Variants in VTI1B observed in about 807,000 individuals in gnomAD.
VTI1B encodes vesicle transport through interaction with t-SNAREs 1B.
A neutral mutation model predicts 28.6 loss-of-function variants in VTI1B; 18 were observed. The observed-to-expected ratio is 0.63, with a 90% CI of 0.43 to 0.93. The LOEUF is 0.93. Ranked by LOEUF, VTI1B falls within the 40% of genes least tolerant of loss-of-function variation. The pLI, the probability that VTI1B is intolerant of heterozygous loss-of-function variation, is 0.00. For missense variants in VTI1B, 283 were observed against 297.0 expected (o/e 0.95, Z 0.35); for synonymous variants, 100 against 107.9 (o/e 0.93, Z 0.46).
At position 67,650,763 on chromosome 14, in the gene VTI1B, C is replaced by T. The variant is rs1461059249; in HGVS notation, c.*622G>A. 3 of 1,614,138 alleles carry T rather than the reference C, an allele frequency of 1.9e-6. No individual in the cohort carries two copies. Among genetic ancestry groups the T allele is most frequent in the Admixed American group, 3.3e-5 (2 of 60,018 alleles). ...GTTGAAGTCAATCCTCAGTTGGCCA[C>T]CTCAGAGGAAGAGGCGAAGACTACA... On this transcript the variant is annotated 3_prime_UTR_variant, in exon 6 of 6. Coordinates refer to ENST00000554659, the MANE Select transcript of VTI1B (RefSeq NM_006370.3).
chr14:67,662,687 C>G (rs1364415517), intron 1 of VTI1B, 152 bp from the exon 2 acceptor site: 8 of 732,304 alleles, frequency 1.1e-5, no homozygotes, highest in Non-Finnish European at 1.7e-5. Context: ...AGGTGGATCA[C>G]AAGGTCAGGA....
chr14:67,662,036 T>G (rs2037342342), intron 2 of VTI1B, among the ~76,000 whole-genome samples: 2 of 152,014 alleles, frequency 1.3e-5, no homozygotes, highest in Middle Eastern at 6.8e-3. Flanking sequence ...CCCACCTGTA[T>G]TCCCAGCTAC....
Position 67,650,645 on chromosome 14 carries a change from C to A in VTI1B, c.*740G>T. Reference sequence around the variant, plus strand: ...TTTACTTTGGCTTGTTCTCCCTGTCCCAGTGGGATGACCCTCACTGAGAGT... The same window carrying A: ...TTTACTTTGGCTTGTTCTCCCTGTCACAGTGGGATGACCCTCACTGAGAGT... On this transcript the variant is annotated 3_prime_UTR_variant, in exon 6 of 6. Transcript: ENST00000554659. 1 of 1,402,684 alleles carries A rather than the reference C, an allele frequency of 7.1e-7. No individual in the cohort carries two copies. The highest frequency in any genetic ancestry group is 1.0e-6 in the Non-Finnish European group (1 of 989,922). The allele number at this position is 1,402,684 out of a possible 1,614,324, so 86.9% of individuals were successfully genotyped here.
At chr14:67,674,324 C>G (rs576878941) in intron 1 of VTI1B, 51 bp downstream of exon 1, 1 of 1,475,192 alleles carries the variant, frequency 6.8e-7, no homozygotes, top group African/African-American at 1.4e-5. Context: ...AATCTTCCTT[C>G]CAAAGCGCGC....
rs1161835481 is a variant in VTI1B, at chr14:67,649,950, T to TC, written c.*1434dup. 6.6e-6 allele frequency: 1 copy of TC among 152,262 alleles called. No individual in the cohort carries two copies. Among genetic ancestry groups the TC allele is most frequent in the Non-Finnish European group, 1.5e-5 (1 of 68,096 alleles). The allele number at this position is 152,262 out of a possible 1,614,324, so 9.4% of individuals were successfully genotyped here. A position where few individuals can be genotyped will look rare whatever the true frequency, so the allele number is the denominator to read the frequency against. Reference sequence around the variant, plus strand: ...AGCATAGTAGCAGGTCTGGATAGGTTCTTCTGGTTTAAGCTTCCCTTCCAC... The same window carrying TC: ...AGCATAGTAGCAGGTCTGGATAGGTTCCTTCTGGTTTAAGCTTCCCTTCCAC... On this transcript the variant is annotated 3_prime_UTR_variant, in exon 6 of 6. Coordinates refer to ENST00000554659, the MANE Select transcript of VTI1B (RefSeq NM_006370.3).
intron 1 of VTI1B, among the ~76,000 whole-genome samples, chr14:67,673,665 C>G (rs2037497541): frequency 6.6e-6 from 1 of 152,244 alleles, no homozygotes; most frequent in Non-Finnish European, 1.5e-5. Context: ...CACCCAAGCT[C>G]TGACTCTTAA....
chr14:67,656,312 C>T, intron 4 of VTI1B, 104 bp downstream of exon 4: 1 of 1,093,660 alleles, frequency 9.1e-7, no homozygotes. Flanking sequence ...AGACTATTCC[C>T]TGAATACAGA....
intron 5 of VTI1B, chr14:67,651,746 T>A: frequency 3.4e-6 from 1 of 291,782 alleles, no homozygotes; most frequent in East Asian, 8.3e-5. Flanking sequence ...AGTTACTTCC[T>A]TTAAAAATAG....
intron 5 of VTI1B, 86 bp downstream of exon 5, chr14:67,653,351 T>G: frequency 1.7e-6 from 2 of 1,190,416 alleles, no homozygotes; most frequent in Non-Finnish European, 2.5e-6. Flanking sequence ...AGGTGCTTTA[T>G]GAGGACCTTT....
At chr14:67,665,442 T>C (rs911761697) in intron 1 of VTI1B, among the ~76,000 whole-genome samples, 2 of 151,864 alleles carry the variant, frequency 1.3e-5, no homozygotes, top group Non-Finnish European at 2.9e-5. Flanking sequence ...CAGCTAATTT[T>C]TTTTTTGGTA....
intron 1 of VTI1B, 81 bp downstream of exon 1, chr14:67,674,294 G>T: frequency 7.5e-7 from 1 of 1,328,608 alleles, no homozygotes; most frequent in Non-Finnish European, 1.0e-6. Context: ...GCGGGCCCGG[G>T]TCTGGGAGGA....
intron 3 of VTI1B, among the ~76,000 whole-genome samples, chr14:67,657,775 GTCTCGCTC>G: frequency 7.3e-6 from 1 of 136,314 alleles, no homozygotes; most frequent in Non-Finnish European, 1.6e-5. Context: ...TTTTGAGACA[GTCTCGCTC>G]TGTCGCCCGG....
rs74246591 is a variant in VTI1B at position 67,665,149 on chromosome 14, G to A, written c.116-2614C>T. On this transcript the variant is annotated intron_variant, in intron 1 of 5. Transcript: ENST00000554659. ...ATAACAGGTGTGAGCTAGTGCACCCGGCCAAGCCCTGACTTTTGAACCCAA... is the reference window on the plus strand; with the variant it reads ...ATAACAGGTGTGAGCTAGTGCACCCAGCCAAGCCCTGACTTTTGAACCCAA... 3.3e-3 allele frequency among the ~76,000 whole-genome samples: 497 copies of A among 152,248 alleles called. 17 individuals are homozygous for A. In the East Asian group the frequency reaches 0.081, roughly 25 times the overall value.
intron 1 of VTI1B, 89 bp downstream of exon 1, chr14:67,674,286 G>C: frequency 8.0e-7 from 1 of 1,247,800 alleles, no homozygotes; most frequent in Non-Finnish European, 1.1e-6. Flanking sequence ...GAGGAGACGC[G>C]GGCCCGGGTC....
Position 67,659,830 on chromosome 14 carries a change from A to G in VTI1B, c.267T>C (p.Ala89=). 2 of 1,614,216 alleles carry G rather than the reference A, an allele frequency of 1.2e-6. No individual in the cohort carries two copies. The highest frequency in any genetic ancestry group is 1.7e-6 in the Non-Finnish European group (2 of 1,180,034). Residue 89 remains alanine, a synonymous_variant, in exon 3 of 6, where the codon GCT becomes GCC. Transcript: ENST00000554659. ...TGCTTCTCACCTCCCGATGGAGTTTAGCAAGGTCCTTCCGGTAGTTTCGAA... is the reference window on the plus strand; with the variant it reads ...TGCTTCTCACCTCCCGATGGAGTTTGGCAAGGTCCTTCCGGTAGTTTCGAA... The part of the protein sequence containing the change: ...SKLRNYRKDL[A]KLHREVRSTP...
intron 3 of VTI1B, 28 bp downstream of exon 3, chr14:67,659,703 A>G: frequency 6.4e-7 from 1 of 1,568,912 alleles, no homozygotes. Flanking sequence ...AAAGGAAAAA[A>G]AAAACAAACA....
intron 1 of VTI1B, among the ~76,000 whole-genome samples, chr14:67,672,367 C>A (rs1469632424): frequency 6.6e-6 from 1 of 152,016 alleles, no homozygotes; most frequent in Non-Finnish European, 1.5e-5. Flanking sequence ...AATACTCCTG[C>A]CTCAGCTTCC....
rs952905497 is a variant in VTI1B at position 67,647,487 on chromosome 14, G to A, written c.*3898C>T. The stretch of plus-strand genomic sequence containing the variant: ...TGTCAGAATTGTTATCTGGTAGTAT[G>A]TCATTTCATAAGCTGTTAAGAAACT... On this transcript the variant is annotated 3_prime_UTR_variant, in exon 6 of 6. Coordinates refer to ENST00000554659, the MANE Select transcript of VTI1B (RefSeq NM_006370.3). 2 of 157,748 alleles carry A rather than the reference G, an allele frequency of 1.3e-5. No individual in the cohort carries two copies. Among genetic ancestry groups the A allele is most frequent in the African/African-American group, 4.8e-5 (2 of 41,522 alleles). 9.8% of individuals were successfully genotyped at this position (157,748 alleles called of 1,614,324 possible). A position where few individuals can be genotyped will look rare whatever the true frequency, so the allele number is the denominator to read the frequency against.
chr14:67,668,558 T>C (rs925770138), intron 1 of VTI1B, among the ~76,000 whole-genome samples: 3 of 152,210 alleles, frequency 2.0e-5, no homozygotes, highest in South Asian at 2.1e-4. Flanking sequence ...CAATCATATA[T>C]CAATATTTTC....
Sources: gnomAD v4.1 joint callset for allele counts (sites outside exome capture counted in the v4.1 genomes callset) on GRCh38, gnomAD v4.1.1 for gene constraint, MANE v1.5 for transcripts, NCBI Gene and HGNC (gene_info 2026-07-23, HGNC 2026-07-21) for gene names.